DCLK1: variants seen among roughly 807,000 people sequenced by gnomAD.
DCLK1 encodes the protein doublecortin like kinase 1, also known as serine/threonine-protein kinase DCLK1.
In DCLK1, 16 loss-of-function variants were observed where a neutral mutation model predicts 86.2. The ratio of observed to expected loss-of-function variants is 0.19; its 90% CI spans 0.13 to 0.28. The LOEUF is 0.28. Among genes scored for constraint, DCLK1 ranks in the 10% least tolerant of loss-of-function variants. DCLK1 has a pLI of 1.00. For synonymous variants in DCLK1, 369 were observed against 370.5 expected, an observed-to-expected ratio of 1.00 and a Z score of 0.05; for missense variants, 590 against 940.2, an observed-to-expected ratio of 0.63 and a Z score of 4.87.
chr13:36,065,425 C>T (rs866245408), intron 3 of DCLK1, among the ~76,000 whole-genome samples: 1 of 152,184 alleles, frequency 6.6e-6, no homozygotes, highest in Non-Finnish European at 1.5e-5. Flanking sequence ...TTCAGCAAGA[C>T]AACTCTTCAA....
intron 4 of DCLK1, among the ~76,000 whole-genome samples, chr13:35,883,965 G>T (rs1261695198): frequency 6.6e-6 from 1 of 152,098 alleles, no homozygotes; most frequent in East Asian, 1.9e-4. Context: ...CTAGGATAAA[G>T]GACAGACTTC....
chr13:35,953,107 A>T (rs1418271315), intron 3 of DCLK1, among the ~76,000 whole-genome samples: 1 of 152,236 alleles, frequency 6.6e-6, no homozygotes, highest in Non-Finnish European at 1.5e-5. Flanking sequence ...ATAGTTCTGT[A>T]TACATTACTA....
At chr13:36,088,923 G>A (rs536255273) in intron 3 of DCLK1, among the ~76,000 whole-genome samples, 1 of 152,210 alleles carries the variant, frequency 6.6e-6, no homozygotes, top group African/African-American at 2.4e-5. Flanking sequence ...ACTAATCTCT[G>A]TTTCAATGGT....
intron 3 of DCLK1, among the ~76,000 whole-genome samples, chr13:35,984,718 G>A (rs1194146174): frequency 6.6e-6 from 1 of 152,128 alleles, no homozygotes; most frequent in African/African-American, 2.4e-5. Flanking sequence ...TTTCCCATCT[G>A]TATTCCCCTT....
intron 3 of DCLK1, among the ~76,000 whole-genome samples, chr13:36,089,730 C>G (rs1445727312): frequency 2.0e-5 from 3 of 152,152 alleles, no homozygotes; most frequent in African/African-American, 7.2e-5. Flanking sequence ...ACATCTAGCT[C>G]TAATTTGATT....
At chr13:35,948,583 T>C (rs1297187578) in intron 3 of DCLK1, among the ~76,000 whole-genome samples, 1 of 152,172 alleles carries the variant, frequency 6.6e-6, no homozygotes. Context: ...AATAGTAAGT[T>C]GAGAGAACGC....
At position 36,092,483 on chromosome 13, in the gene DCLK1, C is replaced by CT. The variant is rs71084405; in HGVS notation, c.723+19385dup. Among the ~76,000 whole-genome samples, 75 of 84,930 alleles carry CT rather than the reference C, an allele frequency of 8.8e-4. 1 individual carries two copies. Among genetic ancestry groups the CT allele is most frequent in the African/African-American group, 1.6e-3 (37 of 23,616 alleles). The allele number at this position is 84,930 out of a possible 152,430, so 55.7% of individuals were successfully genotyped here. A position where few individuals can be genotyped will look rare whatever the true frequency, so the allele number is the denominator to read the frequency against. On this transcript the variant is annotated intron_variant, in intron 3 of 16. Transcript: ENST00000360631. ...ATGTCTCTTATCCGAGAGGCGTTTT[C>CT]TTTTTTTTTTTTTTTTTTTTTGAGA... is the stretch of plus-strand genomic sequence containing the variant.
chr13:35,927,049 C>A (rs192690343), intron 4 of DCLK1, among the ~76,000 whole-genome samples: 1 of 152,184 alleles, frequency 6.6e-6, no homozygotes, highest in African/African-American at 2.4e-5. Flanking sequence ...TGACTTTGGG[C>A]CCTCACGTAA....
intron 6 of DCLK1, among the ~76,000 whole-genome samples, chr13:35,839,973 T>C (rs1869675219): frequency 6.6e-6 from 1 of 152,218 alleles, no homozygotes; most frequent in Non-Finnish European, 1.5e-5. Flanking sequence ...CACATTTCAA[T>C]GCTATTTCTA....
intron 3 of DCLK1, among the ~76,000 whole-genome samples, chr13:35,967,262 G>A (rs1291475479): frequency 1.3e-5 from 2 of 150,334 alleles, no homozygotes; most frequent in East Asian, 4.0e-4. Flanking sequence ...GGGCGCCTCT[G>A]CCCGGCCGCC....
chr13:35,912,429 T>C (rs1875095570), intron 4 of DCLK1, among the ~76,000 whole-genome samples: 1 of 152,096 alleles, frequency 6.6e-6, no homozygotes, highest in Non-Finnish European at 1.5e-5. Flanking sequence ...GTCCTGTGCC[T>C]ATAAAGACCC....
intron 3 of DCLK1, among the ~76,000 whole-genome samples, chr13:36,089,314 C>A (rs532195125): frequency 2.0e-5 from 3 of 152,206 alleles, no homozygotes; most frequent in Non-Finnish European, 4.4e-5. Context: ...CCAGGAGAAA[C>A]AGGCCAGATG....
intron 4 of DCLK1, among the ~76,000 whole-genome samples, chr13:35,939,550 G>A (rs866543126): frequency 6.6e-4 from 100 of 152,132 alleles, no homozygotes; most frequent in African/African-American, 2.3e-3. Flanking sequence ...AACTACAGGT[G>A]TGCTCCACCA....
chr13:35,909,666 A>T (rs966403977), intron 4 of DCLK1, among the ~76,000 whole-genome samples: 3 of 150,534 alleles, frequency 2.0e-5, no homozygotes, highest in Non-Finnish European at 4.4e-5. Flanking sequence ...AAAGGAAAAA[A>T]AGTGCTTAAT....
chr13:35,891,272 A>C (rs2153119409), intron 4 of DCLK1, among the ~76,000 whole-genome samples: 1 of 152,304 alleles, frequency 6.6e-6, no homozygotes, highest in Non-Finnish European at 1.5e-5. Context: ...TTTAAAAAAA[A>C]CAGTTGACAG....
intron 4 of DCLK1, among the ~76,000 whole-genome samples, chr13:35,927,489 G>C (rs977758565): frequency 6.6e-6 from 1 of 152,152 alleles, no homozygotes; most frequent in Non-Finnish European, 1.5e-5. Flanking sequence ...CATTGTTTTT[G>C]TTACACCGTT....
At chr13:35,932,652 T>C (rs1354821372) in intron 4 of DCLK1, among the ~76,000 whole-genome samples, 1 of 152,116 alleles carries the variant, frequency 6.6e-6, no homozygotes, top group Admixed American at 6.6e-5. Flanking sequence ...AAGCATCAGA[T>C]CTCATGCAAC....
At chr13:35,982,735 A>T (rs1193101115) in intron 3 of DCLK1, among the ~76,000 whole-genome samples, 3 of 152,148 alleles carry the variant, frequency 2.0e-5, no homozygotes, top group Non-Finnish European at 4.4e-5. Flanking sequence ...AGGAAGGTTC[A>T]AAGTCCATTG....
intron 3 of DCLK1, among the ~76,000 whole-genome samples, chr13:35,952,846 C>T (rs949698833): frequency 6.6e-6 from 1 of 151,910 alleles, no homozygotes; most frequent in Non-Finnish European, 1.5e-5. Flanking sequence ...TATGCCATAC[C>T]CACAATACCT....
Sources: gnomAD v4.1 joint callset for allele counts (sites outside exome capture counted in the v4.1 genomes callset) on GRCh38, gnomAD v4.1.1 for gene constraint, MANE v1.5 for transcripts, NCBI Gene and HGNC (gene_info 2026-07-23, HGNC 2026-07-21) for gene names.